The following FAT3 variants were observed in gnomAD, a reference collection of about 807,000 sequenced individuals.
FAT3 encodes protocadherin Fat 3.
Under a neutral mutation model 310.2 loss-of-function variants are expected in FAT3, and 95 were observed. That is an observed-to-expected ratio of 0.31 (90% CI 0.26 to 0.36). FAT3 has a LOEUF of 0.36. FAT3 is among the 10% of genes least tolerant of loss of function. The probability of loss-of-function intolerance (pLI) is 1.00; values close to 1 mark genes in which losing one functional copy is unlikely to be tolerated. For synonymous variants in FAT3, 2,314 were observed against 2,192.9 expected (o/e 1.06, Z -1.54); for missense variants, 5,408 against 5,715.6 (o/e 0.95, Z 1.74).
intron 2 of FAT3, among the ~76,000 whole-genome samples, chr11:92,523,361 T>A (rs1953747510): frequency 6.6e-6 from 1 of 152,184 alleles, no homozygotes; most frequent in African/African-American, 2.4e-5. Context: ...TATGCAGAGT[T>A]CTTTGGTGAA....
At chr11:92,514,629 C>G (rs1156376905) in intron 2 of FAT3, among the ~76,000 whole-genome samples, 1 of 152,108 alleles carries the variant, frequency 6.6e-6, no homozygotes, top group African/African-American at 2.4e-5. Flanking sequence ...TACTCCCACT[C>G]AGCATGCACT....
At chr11:92,707,889 G>A (rs1565529441) in intron 4 of FAT3, among the ~76,000 whole-genome samples, 1 of 152,188 alleles carries the variant, frequency 6.6e-6, no homozygotes, top group Non-Finnish European at 1.5e-5. Flanking sequence ...ATGACAGCAA[G>A]TTTAAAATAT....
intron 1 of FAT3, among the ~76,000 whole-genome samples, chr11:92,315,477 GTGTATATATATATATATA>G (rs1324892204): frequency 6.1e-5 from 5 of 81,648 alleles, no homozygotes; most frequent in African/African-American, 2.0e-4. Context: ...GTGTGTGTGT[GTGTATATATATATATATA>G]TATATATATA....
intron 3 of FAT3, among the ~76,000 whole-genome samples, chr11:92,571,951 T>C (rs1439628960): frequency 6.6e-6 from 1 of 152,224 alleles, no homozygotes; most frequent in Non-Finnish European, 1.5e-5. Context: ...CATTTCACTG[T>C]CCCATATTTG....
At chr11:92,231,396 C>T (rs550742492) in intron 1 of FAT3, among the ~76,000 whole-genome samples, 29 of 152,298 alleles carry the variant, frequency 1.9e-4, no homozygotes, top group African/African-American at 5.3e-4. Context: ...TTACCTTGGA[C>T]GTTCTCTATG....
chr11:92,679,642 A>C (rs1398177494), intron 3 of FAT3, among the ~76,000 whole-genome samples: 1 of 151,938 alleles, frequency 6.6e-6, no homozygotes, highest in Non-Finnish European at 1.5e-5. Flanking sequence ...AGAGATCAAG[A>C]CCATCCAGGC....
intron 2 of FAT3, among the ~76,000 whole-genome samples, chr11:92,360,400 T>C (rs905954870): frequency 6.6e-6 from 1 of 152,244 alleles, no homozygotes; most frequent in African/African-American, 2.4e-5. Context: ...TCCCCAACTA[T>C]AGTGGATTTG....
intron 10 of FAT3, 115 bp from the exon 11 acceptor site, chr11:92,805,037 TA>T: frequency 2.1e-6 from 2 of 966,934 alleles, no homozygotes; most frequent in Non-Finnish European, 2.9e-6. Context: ...TGTAGTATCC[TA>T]AATGATACAG....
At chr11:92,409,214 T>G (rs565931216) in intron 2 of FAT3, among the ~76,000 whole-genome samples, 29 of 152,228 alleles carry the variant, frequency 1.9e-4, no homozygotes, top group Non-Finnish European at 3.2e-4. Flanking sequence ...TATATTTGCT[T>G]TCTTTGTTAA....
At chr11:92,298,609 G>A (rs1407311759) in intron 1 of FAT3, among the ~76,000 whole-genome samples, 3 of 152,086 alleles carry the variant, frequency 2.0e-5, no homozygotes, top group Non-Finnish European at 4.4e-5. Flanking sequence ...TGGGTCTTTG[G>A]TTCAGCATCT....
intron 12 of FAT3, among the ~76,000 whole-genome samples, chr11:92,809,380 A>T (rs1947602619): frequency 6.6e-6 from 1 of 152,212 alleles, no homozygotes; most frequent in Non-Finnish European, 1.5e-5. Context: ...TAGAGCAAAA[A>T]GTTGAGTATC....
intron 13 of FAT3, among the ~76,000 whole-genome samples, chr11:92,830,480 C>T (rs1448985406): frequency 6.6e-6 from 1 of 152,132 alleles, no homozygotes; most frequent in African/African-American, 2.4e-5. Flanking sequence ...CTCACTGACC[C>T]TTAGATTTCT....
At chr11:92,530,243 A>T (rs899672326) in intron 3 of FAT3, among the ~76,000 whole-genome samples, 1 of 152,138 alleles carries the variant, frequency 6.6e-6, no homozygotes, top group Non-Finnish European at 1.5e-5. Flanking sequence ...AGCTTGCTAG[A>T]CTATAGAGTC....
In FAT3 at chr11:92,801,788, G is replaced by A. The variant is rs769303051; in HGVS notation, c.8775G>A (p.Ala2925=). The A allele has an allele frequency of 3.7e-6, 6 of 1,613,912 alleles. No homozygotes were observed. Among genetic ancestry groups the A allele is most frequent in the South Asian group, 1.1e-5 (1 of 91,076 alleles). ...TDINDNAPVF[A]QEVYRGNVKE... ...TAAATGACAATGCACCAGTCTTCGC[G>A]CAGGAAGTGTACCGAGGGAATGTGA... The change falls in exon 10 of 28, where the codon GCG becomes GCA. Residue 2925 remains alanine, a synonymous_variant. Coordinates refer to ENST00000525166, the MANE Select transcript of FAT3 (RefSeq NM_001367949.2).
At chr11:92,735,115 G>T (rs2136009823) in intron 4 of FAT3, among the ~76,000 whole-genome samples, 1 of 149,416 alleles carries the variant, frequency 6.7e-6, no homozygotes, top group African/African-American at 2.5e-5. Context: ...AGCATGTCAT[G>T]TCTGACTTAG....
rs760786762 is a variant in FAT3, at chr11:92,890,612, G to A, written c.13269G>A (p.Glu4423=). 1.2e-6 allele frequency: 2 copies of A among 1,613,728 alleles called. No individual in the cohort carries two copies. Among genetic ancestry groups the A allele is most frequent in the Non-Finnish European group, 1.7e-6 (2 of 1,179,852 alleles). The part of the protein sequence containing the change: ...SAHQGSTREL[E]SDYYLGGYDI... ...ACCAGGGGAGCACACGGGAGCTGGA[G>A]AGCGATTACTACCTGGGTGGTTATG... Residue 4423 remains glutamate (E), a synonymous_variant, in exon 28 of 28, where the codon GAG becomes GAA. Transcript: ENST00000525166.
chr11:92,410,471 A>T (rs1950232157), intron 2 of FAT3, among the ~76,000 whole-genome samples: 1 of 152,134 alleles, frequency 6.6e-6, no homozygotes. Context: ...GAGACATCTG[A>T]GAGATTATGA....
intron 13 of FAT3, among the ~76,000 whole-genome samples, chr11:92,817,697 C>T (rs1363528421): frequency 6.6e-6 from 1 of 152,292 alleles, no homozygotes; most frequent in South Asian, 2.1e-4. Flanking sequence ...CATGGGGCAC[C>T]ATTTGCCCTG....
At chr11:92,396,150 C>G (rs1286780164) in intron 2 of FAT3, among the ~76,000 whole-genome samples, 1 of 152,118 alleles carries the variant, frequency 6.6e-6, no homozygotes, top group Non-Finnish European at 1.5e-5. Context: ...GGTGTTACAT[C>G]TAATAAATCT....
Sources: gnomAD v4.1 joint callset for allele counts (sites outside exome capture counted in the v4.1 genomes callset) on GRCh38, gnomAD v4.1.1 for gene constraint, MANE v1.5 for transcripts, NCBI Gene and HGNC (gene_info 2026-07-23, HGNC 2026-07-21) for gene names.